The following LRMDA variants were observed in gnomAD, a reference collection of about 807,000 sequenced individuals.
The protein encoded by LRMDA is leucine-rich melanocyte differentiation-associated protein.
Under a neutral mutation model 29.8 loss-of-function variants are expected in LRMDA, and 18 were observed. The ratio of observed to expected loss-of-function variants is 0.60; its 90% CI spans 0.42 to 0.90. The LOEUF is 0.90. LRMDA is among the 40% of genes least tolerant of loss of function. The pLI is 0.00. For missense variants in LRMDA, 273 were observed against 273.9 expected (o/e 1.00, Z 0.02); for synonymous variants, 125 against 109.4 (o/e 1.14, Z -0.89).
intron 5 of LRMDA, among the ~76,000 whole-genome samples, chr10:76,136,625 C>CAGCA (rs1373168393): frequency 6.7e-6 from 1 of 149,780 alleles, no homozygotes; most frequent in Non-Finnish European, 1.5e-5. Flanking sequence ...AAAAAAAAAG[C>CAGCA]AAAAATGACT....
intron 2 of LRMDA, among the ~76,000 whole-genome samples, chr10:75,867,641 A>G (rs1845043112): frequency 6.6e-6 from 1 of 152,208 alleles, no homozygotes; most frequent in South Asian, 2.1e-4. Flanking sequence ...GAAGGTACTG[A>G]CACTTTAAGA....
chr10:75,729,145 G>T (rs1370874924), intron 2 of LRMDA, among the ~76,000 whole-genome samples: 1 of 152,200 alleles, frequency 6.6e-6, no homozygotes, highest in Non-Finnish European at 1.5e-5. Flanking sequence ...TCCCTTACCA[G>T]ATAGAAAGCT....
At chr10:76,017,215 G>A (rs896992777) in intron 2 of LRMDA, among the ~76,000 whole-genome samples, 5 of 152,304 alleles carry the variant, frequency 3.3e-5, no homozygotes, top group South Asian at 2.1e-4. Context: ...AGCAGATCCC[G>A]CGCGAAGGCC....
At chr10:75,435,261 A>G (rs567915891) in intron 1 of LRMDA, among the ~76,000 whole-genome samples, 1 of 152,342 alleles carries the variant, frequency 6.6e-6, no homozygotes, top group South Asian at 2.1e-4. Context: ...TTTGCTGAAG[A>G]AGCAAACTAT....
At chr10:76,161,423 A>G (rs182709824) in intron 5 of LRMDA, among the ~76,000 whole-genome samples, 18 of 152,284 alleles carry the variant, frequency 1.2e-4, no homozygotes, top group African/African-American at 2.2e-4. Context: ...GGAAATGAGA[A>G]TGCTGGTCAC....
At chr10:76,226,258 G>T (rs1280560039) in intron 5 of LRMDA, among the ~76,000 whole-genome samples, 1 of 152,108 alleles carries the variant, frequency 6.6e-6, no homozygotes, top group African/African-American at 2.4e-5. Flanking sequence ...AGAAGTGTGA[G>T]TGAAGGAGGA....
At chr10:76,025,517 G>T (rs147503552) in intron 2 of LRMDA, among the ~76,000 whole-genome samples, 95 of 151,906 alleles carry the variant, frequency 6.3e-4, no homozygotes, top group African/African-American at 2.2e-3. Context: ...TTCATAGATG[G>T]TAAGAGCATT....
chr10:75,940,486 C>G (rs1846371417), intron 2 of LRMDA, among the ~76,000 whole-genome samples: 2 of 152,136 alleles, frequency 1.3e-5, no homozygotes, highest in African/African-American at 4.8e-5. Flanking sequence ...TCCACGAAGC[C>G]ATTCTGGTTT....
intron 2 of LRMDA, among the ~76,000 whole-genome samples, chr10:75,602,567 T>C (rs1308377003): frequency 6.6e-6 from 1 of 152,160 alleles, no homozygotes; most frequent in African/African-American, 2.4e-5. Context: ...TTGATCCCCC[T>C]AGTCATTTGG....
At chr10:75,542,975 T>C (rs1192842658) in intron 2 of LRMDA, among the ~76,000 whole-genome samples, 1 of 152,206 alleles carries the variant, frequency 6.6e-6, no homozygotes, top group Non-Finnish European at 1.5e-5. Context: ...CATGAGAAAC[T>C]TCCAAGAATC....
intron 5 of LRMDA, among the ~76,000 whole-genome samples, chr10:76,260,619 T>TCTTTGA (rs1314110390): frequency 6.6e-6 from 1 of 152,200 alleles, no homozygotes; most frequent in Admixed American, 6.5e-5. Context: ...TAGGATTCAA[T>TCTTTGA]CTTTGACTTT....
chr10:76,222,879 A>G (rs1014705111), intron 5 of LRMDA, among the ~76,000 whole-genome samples: 4 of 152,230 alleles, frequency 2.6e-5, no homozygotes, highest in Admixed American at 2.6e-4. Context: ...ATGTCCAACA[A>G]TGATAGACTG....
intron 2 of LRMDA, among the ~76,000 whole-genome samples, chr10:75,752,340 T>C (rs913342617): frequency 1.3e-5 from 2 of 151,106 alleles, no homozygotes; most frequent in African/African-American, 2.4e-5. Flanking sequence ...GCCTCCTGAG[T>C]AGCTGGGACT....
intron 2 of LRMDA, among the ~76,000 whole-genome samples, chr10:75,719,728 T>C (rs1842543345): frequency 6.6e-6 from 1 of 152,136 alleles, no homozygotes; most frequent in South Asian, 2.1e-4. Flanking sequence ...CCTGTTGCCG[T>C]GGGATGGCCA....
intron 2 of LRMDA, among the ~76,000 whole-genome samples, chr10:75,817,141 A>G (rs570557509): frequency 7.2e-5 from 11 of 152,290 alleles, no homozygotes; most frequent in East Asian, 5.8e-4. Context: ...TCACTGGGTT[A>G]TGTGCTGAGG....
At chr10:75,432,432 C>T (rs1218649888) in intron 1 of LRMDA, among the ~76,000 whole-genome samples, 1 of 152,254 alleles carries the variant, frequency 6.6e-6, no homozygotes, top group Non-Finnish European at 1.5e-5. Context: ...GACACCCAGT[C>T]TCACATGCTT....
chr10:76,040,570 T>TTC lies in LRMDA; in HGVS notation c.258+4453_258+4454dup, dbSNP rs145651283. On this transcript the variant is annotated intron_variant, in intron 3 of 6. Coordinates refer to ENST00000611255, the MANE Select transcript of LRMDA (RefSeq NM_001305581.2). ...ACCCCTTCCCCACTGCTCACACTCT[T>TTC]TCTCTCTCTCTCTCTCTCACACCCA... 4.7e-3 allele frequency among the ~76,000 whole-genome samples: 682 copies of TTC among 145,814 alleles called. 3 individuals carry two copies. Among genetic ancestry groups the TTC allele is most frequent in the African/African-American group, 0.016 (639 of 40,774 alleles).
intron 2 of LRMDA, among the ~76,000 whole-genome samples, chr10:75,695,264 T>C (rs1007421379): frequency 6.6e-6 from 1 of 152,176 alleles, no homozygotes; most frequent in African/African-American, 2.4e-5. Context: ...TCTATTAAAG[T>C]TCATTTCTTA....
intron 5 of LRMDA, among the ~76,000 whole-genome samples, chr10:76,118,770 G>A (rs1322626201): frequency 6.7e-6 from 1 of 149,622 alleles, no homozygotes; most frequent in Non-Finnish European, 1.5e-5. Flanking sequence ...TTGAGACTCT[G>A]AAAATGGATT....
Sources: allele counts gnomAD v4.1 joint callset (sites outside exome capture counted in the v4.1 genomes callset), GRCh38; gene constraint gnomAD v4.1.1; transcripts MANE v1.5; gene names NCBI Gene and HGNC (gene_info 2026-07-23, HGNC 2026-07-21).